INTS1: variants seen among roughly 807,000 people sequenced by gnomAD.
The protein encoded by INTS1 is integrator complex subunit 1.
Under a neutral mutation model 241.6 loss-of-function variants are expected in INTS1, and 137 were observed. The observed-to-expected ratio is 0.57, with a 90% CI of 0.49 to 0.65. The LOEUF (loss-of-function observed/expected upper bound fraction) is 0.65, where lower values mean the gene tolerates loss of function less well. Among genes scored for constraint, INTS1 ranks in the 30% least tolerant of loss-of-function variants. The pLI is 0.00. For synonymous variants in INTS1, 1,692 were observed against 1,337.8 expected (o/e 1.26, Z -5.78); for missense variants, 3,073 against 3,032.2 (o/e 1.01, Z -0.32).
At chr7:1,476,128 G>C (rs1295483599) in intron 38 of INTS1, 57 bp from the exon 39 acceptor site, 55 of 1,527,110 alleles carry the variant, frequency 3.6e-5, no homozygotes, top group Non-Finnish European at 4.2e-5. Context: ...ACAGGGGTGG[G>C]TGGACGGGAC....
At position 1,486,606 on chromosome 7, in the gene INTS1, G is replaced by A. The variant is rs1782277273; in HGVS notation, c.2976+19C>T. 2 of 1,607,758 alleles carry A rather than the reference G, an allele frequency of 1.2e-6. No individual in the cohort carries two copies. Among genetic ancestry groups the A allele is most frequent in the African/African-American group, 1.3e-5 (1 of 74,820 alleles). On this transcript the variant is annotated intron_variant, in intron 22 of 47. Transcript: ENST00000404767. ...TAAACATGAAGAGCGTGCGCAGAAA[G>A]ACCCGCCCACCACCTCACCTTCATG... is the stretch of plus-strand genomic sequence containing the variant.
chr7:1,475,825 G>C (rs775133052), intron 39 of INTS1, 123 bp downstream of exon 39: 1 of 1,249,364 alleles, frequency 8.0e-7, no homozygotes, highest in Non-Finnish European at 1.1e-6. Flanking sequence ...AGGGCGGCGC[G>C]GACTGGGAAG....
chr7:1,486,016 G>A (rs1004507862), intron 22 of INTS1, among the ~76,000 whole-genome samples: 4 of 152,044 alleles, frequency 2.6e-5, no homozygotes, highest in East Asian at 3.9e-4. Context: ...GCCCAGGCTG[G>A]TCTCAAACTC....
rs1251935604 is a variant in INTS1, at chr7:1,471,300, G to C, written c.6256-76C>G. The C allele has an allele frequency of 2.8e-6, 4 of 1,440,292 alleles. No homozygotes were observed. In the African/African-American group the frequency reaches 4.2e-5, roughly 15 times the overall value. 89.2% of individuals were successfully genotyped at this position (1,440,292 alleles called of 1,614,324 possible). A position where few individuals can be genotyped will look rare whatever the true frequency, so the allele number is the denominator to read the frequency against. On this transcript the variant is annotated intron_variant, in intron 45 of 47. Transcript: ENST00000404767. The stretch of plus-strand genomic sequence containing the variant: ...CAAGGCCCCTTCACCTCTTGGTCTC[G>C]TGATGGTTGGCGGCAACGGCAGGGA...
In INTS1 at chr7:1,493,458, G is replaced by A. The variant is rs6969442; in HGVS notation, c.2068+296C>T. ...ACAATCATTCTACCTGTCGCCTAAA[G>A]GAGGTGACAGACAGGAAATCTGGCC... is the stretch of plus-strand genomic sequence containing the variant. On this transcript the variant is annotated intron_variant, in intron 15 of 47. Transcript: ENST00000404767. The surrounding 1 kb of genome is among the most constrained non-coding windows in gnomAD (Gnocchi z 5.3). Among the ~76,000 whole-genome samples, 5,258 of 152,278 alleles carry A rather than the reference G, an allele frequency of 0.035. 308 individuals are homozygous for A. The highest frequency in any genetic ancestry group is 0.12 in the African/African-American group (4,984 of 41,508).
At position 1,481,412 on chromosome 7, in the gene INTS1, T is replaced by C. The variant is rs770889007; in HGVS notation, c.3780A>G (p.Lys1260=). ...SFGIPVSSMS[K]LLQFLDQAVA... is the part of the protein sequence containing the mutation. ...CTGCCTGGTCCAGGAACTGGAGGAG[T>C]TTGCTCATGCTGGACACGGGGATGC... The change falls in exon 28 of 48, where the codon AAA becomes AAG. Residue 1260 remains lysine, a synonymous_variant. Transcript: ENST00000404767. The surrounding 1 kb of genome is among the most constrained non-coding windows in gnomAD (Gnocchi z 6.8). 1 of 1,612,368 alleles carries C rather than the reference T, an allele frequency of 6.2e-7. No individual in the cohort carries two copies. Among genetic ancestry groups the C allele is most frequent in the Non-Finnish European group, 8.5e-7 (1 of 1,179,560 alleles).
In INTS1 at chr7:1,473,064, C is replaced by A; in HGVS notation, c.6070+8G>T. On this transcript the variant is annotated splice_region_variant and intron_variant, in intron 43 of 47. Coordinates refer to ENST00000404767, the MANE Select transcript of INTS1 (RefSeq NM_001080453.3). ...CTGCTTCCAGCAGCCCCTGGCAGCCCCACTCACCCTCGCCCTCTTCGTCCA... is the reference window on the plus strand; with the variant it reads ...CTGCTTCCAGCAGCCCCTGGCAGCCACACTCACCCTCGCCCTCTTCGTCCA... 1 of 1,574,402 alleles carries A rather than the reference C, an allele frequency of 6.4e-7. No homozygotes were observed. Among genetic ancestry groups the A allele is most frequent in the East Asian group, 2.3e-5 (1 of 44,314 alleles).
At position 1,476,312 on chromosome 7, in the gene INTS1, C is replaced by T. The variant is rs1240433308; in HGVS notation, c.5295G>A (p.Leu1765=). The change falls in exon 38 of 48, where the codon CTG becomes CTA. Residue 1765 remains leucine (L), a synonymous_variant. Transcript: ENST00000404767. Reference sequence around the variant, plus strand: ...CATCGTCCCCACAGCAGCAGCTGAGCAGCAGGGGCAGCCGGGCCTGGATGA... The same window carrying T: ...CATCGTCCCCACAGCAGCAGCTGAGTAGCAGGGGCAGCCGGGCCTGGATGA... ...CSLIQARLPL[L]LSCCCGDDES... 2.5e-6 allele frequency: 4 copies of T among 1,587,850 alleles called. No homozygotes were observed. In the African/African-American group the frequency reaches 4.0e-5, roughly 16 times the overall value.
chr7:1,478,961 G>A (rs1357800739), intron 31 of INTS1, 76 bp from the exon 32 acceptor site: 2 of 1,474,016 alleles, frequency 1.4e-6, no homozygotes, highest in Non-Finnish European at 9.1e-7. Flanking sequence ...CCAGAGCAGG[G>A]CCCGTGAGGC....
At chr7:1,490,401 C>T (rs983584558) in intron 16 of INTS1, among the ~76,000 whole-genome samples, 7 of 152,058 alleles carry the variant, frequency 4.6e-5, no homozygotes, top group South Asian at 2.1e-4. Context: ...GAAAGGGTGT[C>T]GGCTCCGGAT....
At chr7:1,487,288 C>T (rs756948901) in intron 20 of INTS1, 32 bp downstream of exon 20, 2 of 1,565,668 alleles carry the variant, frequency 1.3e-6, no homozygotes, top group Non-Finnish European at 1.7e-6. Flanking sequence ...CCCAAGACCA[C>T]CATCTCTACC....
Position 1,497,441 on chromosome 7 carries a change from C to T in INTS1, c.1426-127G>A, listed in dbSNP as rs950113509. ...AGTGGGTCTCAGACAGTGTGGGGTG[C>T]GGGGTGGCGGGCTCCTTGCTCTACT... On this transcript the variant is annotated intron_variant, in intron 10 of 47. Transcript: ENST00000404767. This position sits in a 1 kb window ranked among gnomAD's most constrained non-coding sequence, Gnocchi z 5.3. 28 of 905,842 alleles carry T rather than the reference C, an allele frequency of 3.1e-5. No individual in the cohort carries two copies. The African/African-American group carries it at 3.6e-4, about 12-fold the overall frequency. 56.1% of individuals were successfully genotyped at this position (905,842 alleles called of 1,614,324 possible).
At chr7:1,498,666 A>ACTCCACCCGCACCCCCG (rs1782982745) in intron 9 of INTS1, 41 bp downstream of exon 9, 1 of 297,620 alleles carries the variant, frequency 3.4e-6, no homozygotes, top group African/African-American at 7.7e-5. Flanking sequence ...CCACACCCCC[A>ACTCCACCCGCACCCCCG]CTCCACCCGC....
At chr7:1,471,791 C>G (rs1781478453) in intron 44 of INTS1, 150 bp from the exon 45 acceptor site, 21 of 692,872 alleles carry the variant, frequency 3.0e-5, no homozygotes, top group Non-Finnish European at 4.4e-5. Flanking sequence ...CAGGCAGTCA[C>G]CTGCCCCCAA....
chr7:1,500,039 T>A lies in INTS1; in HGVS notation c.547-18A>T. The stretch of plus-strand genomic sequence containing the variant: ...CACAGAGCCTGCCAGGGAGGGCGCA[T>A]GTCACGTGGGAGCTTCGCTGGCCCC... On this transcript the variant is annotated intron_variant, in intron 4 of 47. Coordinates refer to ENST00000404767, the MANE Select transcript of INTS1 (RefSeq NM_001080453.3). 6.2e-7 allele frequency: 1 copy of A among 1,611,500 alleles called. No homozygotes were observed. The highest frequency in any genetic ancestry group is 8.5e-7 in the Non-Finnish European group (1 of 1,178,844).
In INTS1 at chr7:1,497,099, G is replaced by T; in HGVS notation, c.1602+39C>A. On this transcript the variant is annotated intron_variant, in intron 11 of 47. Transcript: ENST00000404767. The surrounding 1 kb of genome is among the most constrained non-coding windows in gnomAD (Gnocchi z 5.3). The stretch of plus-strand genomic sequence containing the variant: ...AGGGGGATGGCGGCGCGTGGAACCC[G>T]CAGTGAGGGAAAGGCGCCCCAGCGG... 1.9e-6 allele frequency: 3 copies of T among 1,559,428 alleles called. No homozygotes were observed. The South Asian group carries it at 3.5e-5, about 18-fold the overall frequency.
chr7:1,489,458 T>A (rs1782445549), intron 17 of INTS1, 54 bp from the exon 18 acceptor site: 3 of 1,500,856 alleles, frequency 2.0e-6, no homozygotes, highest in Non-Finnish European at 2.7e-6. Flanking sequence ...ACCAGGCGTG[T>A]GACCCCCGCT....
At chr7:1,486,207 A>G (rs1782258937) in intron 22 of INTS1, among the ~76,000 whole-genome samples, 1 of 151,852 alleles carries the variant, frequency 6.6e-6, no homozygotes, top group Non-Finnish European at 1.5e-5. Context: ...AAGTGCTGGG[A>G]TGACAAGAGC....
At position 1,500,021 on chromosome 7, in the gene INTS1, C is replaced by T; in HGVS notation, c.547G>A (p.Ala183Thr). Reference sequence around the variant, plus strand: ...TCCCGCCGCAGGAGGCTACACAGAGCCTGCCAGGGAGGGCGCATGTCACGT... The same window carrying T: ...TCCCGCCGCAGGAGGCTACACAGAGTCTGCCAGGGAGGGCGCATGTCACGT... The part of the protein sequence containing the change: ...NIFATEGVIE[A>T]LCSLLRRDAS... The change falls in exon 5 of 48, where the codon GCT becomes ACT. Residue 183 changes from alanine to threonine, a missense_variant and splice_region_variant. Physicochemically the swap from Ala to Thr is moderately conservative, Grantham distance 58. Transcript: ENST00000404767. 1 of 1,613,080 alleles carries T rather than the reference C, an allele frequency of 6.2e-7. No individual in the cohort carries two copies. The highest frequency in any genetic ancestry group is 8.5e-7 in the Non-Finnish European group (1 of 1,179,704).
Sources: gnomAD v4.1 joint callset for allele counts (sites outside exome capture counted in the v4.1 genomes callset) on GRCh38, gnomAD v4.1.1 for gene constraint, Gnocchi (gnomAD v3.1) non-coding constraint, MANE v1.5 for transcripts, NCBI Gene and HGNC (gene_info 2026-07-23, HGNC 2026-07-21) for gene names.